Variants in PCDHA8 observed in about 807,000 individuals in gnomAD.
The protein encoded by PCDHA8 is protocadherin alpha-8.
A neutral mutation model predicts 61.8 loss-of-function variants in PCDHA8; 53 were observed. The observed-to-expected ratio is 0.86, with a 90% CI of 0.69 to 1.08. PCDHA8 has a LOEUF of 1.08. Among genes scored for constraint, PCDHA8 ranks in the 50% least tolerant of loss-of-function variants. The pLI, the probability that PCDHA8 is intolerant of heterozygous loss-of-function variation, is 0.00. For synonymous variants in PCDHA8, 618 were observed against 556.6 expected (o/e 1.11, Z -1.55); for missense variants, 1,293 against 1,245.0 (o/e 1.04, Z -0.58).
In PCDHA8 at chr5:140,842,698, G is replaced by C. The variant is rs2150342332; in HGVS notation, c.1377G>C (p.Glu459Asp). Residue 459 changes from glutamate to aspartate, a missense_variant, in exon 1 of 4, where the codon GAG becomes GAC. By Grantham distance (45) the Glu-to-Asp change is conservative. Transcript: ENST00000531613. ...ATGCTCCGGCGTTCGCGCAGCCCGA[G>C]TACACGGTGTTCGTGAAGGAGAACA... ...NDNAPAFAQP[E>D]YTVFVKENNP... The C allele has an allele frequency of 9.4e-6, 15 of 1,595,366 alleles. 2 individuals carry two copies. The highest frequency in any genetic ancestry group is 4.3e-6 in the Non-Finnish European group (5 of 1,165,528).
At chr5:140,966,626 C>T in intron 1 of PCDHA8, 9 of 925,184 alleles carry the variant, frequency 9.7e-6, no homozygotes, top group South Asian at 9.6e-5. Flanking sequence ...GAGGGAGCGG[C>T]CCCAGGCGCT....
intron 3 of PCDHA8, among the ~76,000 whole-genome samples, chr5:140,982,904 T>G (rs1353983952): frequency 1.3e-5 from 2 of 151,900 alleles, no homozygotes; most frequent in African/African-American, 4.8e-5. Context: ...GGTGGCCTTA[T>G]GCACAGAGAT....
At chr5:140,870,507 A>C (rs782584168) in intron 1 of PCDHA8, 1 of 1,614,128 alleles carries the variant, frequency 6.2e-7, no homozygotes, top group Non-Finnish European at 8.5e-7. Context: ...AGAACAACCC[A>C]CCAGGCTGCC....
intron 1 of PCDHA8, among the ~76,000 whole-genome samples, chr5:140,922,430 A>C (rs574413053): frequency 6.6e-6 from 1 of 152,364 alleles, no homozygotes; most frequent in East Asian, 1.9e-4. Flanking sequence ...GGCTGAGGGC[A>C]GAACTCTCTC....
rs2150355357 is a variant in PCDHA8 at position 140,843,209 on chromosome 5, G to T, written c.1888G>T (p.Glu630Ter). ...IPFRVGLYTG[E>*]ISTTRVLDEA... ...GTTCCGCGTGGGGCTGTACACGGGCGAGATCAGCACCACTCGTGTCCTGGA... is the reference window on the plus strand; with the variant it reads ...GTTCCGCGTGGGGCTGTACACGGGCTAGATCAGCACCACTCGTGTCCTGGA... The change falls in exon 1 of 4, where the codon GAG becomes TAG. Residue 630 changes from glutamate to a stop codon, truncating the protein, a stop_gained. Coordinates refer to ENST00000531613, the MANE Select transcript of PCDHA8 (RefSeq NM_018911.3). LOFTEE classifies it high-confidence loss of function. The T allele has an allele frequency of 6.3e-7, 1 of 1,595,962 alleles. No homozygotes were observed. Among genetic ancestry groups the T allele is most frequent in the African/African-American group, 1.3e-5 (1 of 74,482 alleles).
intron 3 of PCDHA8, among the ~76,000 whole-genome samples, chr5:141,000,419 A>ATTTT (rs1563652468): frequency 3.0e-4 from 18 of 60,988 alleles, no homozygotes; most frequent in East Asian, 5.4e-4. Context: ...ATATATATAT[A>ATTTT]TATTTTTTTT....
At position 140,870,626 on chromosome 5, in the gene PCDHA8, C is replaced by T. The variant is rs782773688; in HGVS notation, c.2394+26911C>T. 61 of 1,612,898 alleles carry T rather than the reference C, an allele frequency of 3.8e-5. No homozygotes were observed. Among genetic ancestry groups the T allele is most frequent in the Non-Finnish European group, 5.0e-5 (59 of 1,179,802 alleles). Reference sequence around the variant, plus strand: ...GACCGCGCGCTGTCGAGCTACGTGTCGGTGCACGCGGAGAGCGGCAAGGTG... The same window carrying T: ...GACCGCGCGCTGTCGAGCTACGTGTTGGTGCACGCGGAGAGCGGCAAGGTG... On this transcript the variant is annotated intron_variant, in intron 1 of 3. Transcript: ENST00000531613.
At chr5:140,864,945 C>G (rs2048665503) in intron 1 of PCDHA8, 1 of 152,120 alleles carries the variant, frequency 6.6e-6, no homozygotes, top group Non-Finnish European at 1.5e-5. Flanking sequence ...GGCCTGTAAT[C>G]CCAGCATTTT....
intron 1 of PCDHA8, chr5:140,850,432 G>A: frequency 6.3e-7 from 1 of 1,597,826 alleles, no homozygotes; most frequent in Non-Finnish European, 8.6e-7. Context: ...CCGCGCCAGC[G>A]CCTACTGGTG....
intron 3 of PCDHA8, 128 bp downstream of exon 3, chr5:140,982,691 C>T: frequency 7.1e-7 from 1 of 1,408,152 alleles, no homozygotes; most frequent in Non-Finnish European, 9.3e-7. Context: ...TTTTTCCATA[C>T]ATACATGATT....
Position 140,850,922 on chromosome 5 carries a change from A to G in PCDHA8, c.2394+7207A>G, listed in dbSNP as rs1228404686. 21 of 1,525,242 alleles carry G rather than the reference A, an allele frequency of 1.4e-5. 3 individuals are homozygous for G. Among genetic ancestry groups the G allele is most frequent in the Non-Finnish European group, 1.9e-5 (21 of 1,134,594 alleles). The allele number at this position is 1,525,242 out of a possible 1,614,324, so 94.5% of individuals were successfully genotyped here. A position where few individuals can be genotyped will look rare whatever the true frequency, so the allele number is the denominator to read the frequency against. ...TTTCTAGCATTTTATTTATTTATATAATTTTTTTTCTTGAAAGATATTATC... is the reference window on the plus strand; with the variant it reads ...TTTCTAGCATTTTATTTATTTATATGATTTTTTTTCTTGAAAGATATTATC... On this transcript the variant is annotated intron_variant, in intron 1 of 3. Transcript: ENST00000531613.
At chr5:140,929,093 A>G in intron 1 of PCDHA8, 1 of 1,614,194 alleles carries the variant, frequency 6.2e-7, no homozygotes, top group Non-Finnish European at 8.5e-7. Flanking sequence ...ATGGTTTCAA[A>G]TCCTTGCATG....
intron 1 of PCDHA8, among the ~76,000 whole-genome samples, chr5:140,923,395 G>A (rs782033907): frequency 6.6e-6 from 1 of 152,240 alleles, no homozygotes; most frequent in South Asian, 2.1e-4. Flanking sequence ...GGGCATGGTG[G>A]TGTGTGCCTA....
intron 1 of PCDHA8, among the ~76,000 whole-genome samples, chr5:140,957,165 A>C (rs2095338056): frequency 6.6e-6 from 1 of 152,190 alleles, no homozygotes; most frequent in African/African-American, 2.4e-5. Context: ...AAATCTAAGT[A>C]TATAAATTGG....
chr5:140,881,179 C>A (rs550594918), intron 1 of PCDHA8, among the ~76,000 whole-genome samples: 4 of 152,240 alleles, frequency 2.6e-5, no homozygotes, highest in African/African-American at 7.2e-5. Flanking sequence ...CTTTTCCTTG[C>A]TAAAGATATG....
At chr5:140,986,946 G>A (rs544796668) in intron 3 of PCDHA8, among the ~76,000 whole-genome samples, 9 of 152,230 alleles carry the variant, frequency 5.9e-5, no homozygotes, top group South Asian at 2.1e-4. Context: ...GGGTGTGGTC[G>A]CTCATGCCTG....
intron 1 of PCDHA8, chr5:140,853,268 G>A: frequency 9.2e-6 from 9 of 975,960 alleles, no homozygotes; most frequent in Non-Finnish European, 1.1e-5. Context: ...CAGAGTACAA[G>A]CTCTCATCAT....
intron 1 of PCDHA8, chr5:140,967,979 G>A (rs1405177525): frequency 1.2e-6 from 2 of 1,614,100 alleles, no homozygotes; most frequent in African/African-American, 1.3e-5. Flanking sequence ...CCTGGGTCTG[G>A]AGGCCACACT....
chr5:140,973,803 G>C (rs1232498397), intron 1 of PCDHA8, among the ~76,000 whole-genome samples: 2 of 152,214 alleles, frequency 1.3e-5, no homozygotes, highest in African/African-American at 2.4e-5. Flanking sequence ...CTGTCTACTT[G>C]ACAGAATAGC....
Sources: allele counts gnomAD v4.1 joint callset (sites outside exome capture counted in the v4.1 genomes callset), GRCh38; gene constraint gnomAD v4.1.1; transcripts MANE v1.5; gene names NCBI Gene and HGNC (gene_info 2026-07-23, HGNC 2026-07-21).